MAGI3: variants seen among roughly 807,000 people sequenced by gnomAD.
MAGI3 encodes membrane associated guanylate kinase, WW and PDZ domain containing 3.
Under a neutral mutation model 121.8 loss-of-function variants are expected in MAGI3, and 43 were observed. That is an observed-to-expected ratio of 0.35 (90% CI 0.28 to 0.46). The LOEUF (loss-of-function observed/expected upper bound fraction) is 0.46. Ranked by LOEUF, MAGI3 falls within the 20% of genes least tolerant of loss-of-function variation. MAGI3 has a pLI of 1.00. For missense variants in MAGI3, 1,547 were observed against 1,797.3 expected (o/e 0.86, Z 2.52); for synonymous variants, 553 against 639.3 (o/e 0.86, Z 2.04).
chr1:113,653,852 C>T lies in MAGI3; in HGVS notation c.2463C>T (p.Ser821=). 6.2e-7 allele frequency: 1 copy of T among 1,607,610 alleles called. No individual in the cohort carries two copies. Among genetic ancestry groups the T allele is most frequent in the Non-Finnish European group, 8.5e-7 (1 of 1,177,628 alleles). Residue 821 remains serine (S), a synonymous_variant, in exon 15 of 21, where the codon AGC becomes AGT. Coordinates refer to ENST00000307546, the MANE Select transcript of MAGI3 (RefSeq NM_001142782.2). ...CAGAAAAACAACCCGAGGACGACAG[C>T]TCTCAGGCCTTCATTTCAACACAGA... ...FYGEKQPEDD[S]SQAFISTQNG... is the part of the protein sequence containing the mutation.
chr1:113,569,416 C>T (rs960372166), intron 2 of MAGI3, among the ~76,000 whole-genome samples: 1 of 151,962 alleles, frequency 6.6e-6, no homozygotes, highest in African/African-American at 2.4e-5. Context: ...ATTTTATTTA[C>T]TCTGTTATTT....
intron 1 of MAGI3, among the ~76,000 whole-genome samples, chr1:113,452,853 T>A (rs1305627617): frequency 2.0e-5 from 3 of 152,112 alleles, no homozygotes; most frequent in African/African-American, 7.2e-5. Flanking sequence ...TGAAGAAATT[T>A]TACTCAAAGA....
intron 1 of MAGI3, among the ~76,000 whole-genome samples, chr1:113,493,860 A>G (rs922158499): frequency 3.3e-5 from 5 of 152,156 alleles, no homozygotes; most frequent in African/African-American, 9.7e-5. Flanking sequence ...TAAAAAGTCA[A>G]AAAACAACAG....
Position 113,649,319 on chromosome 1 carries a change from T to C in MAGI3, c.2238T>C (p.Pro746=). 1 of 1,609,374 alleles carries C rather than the reference T, an allele frequency of 6.2e-7. No individual in the cohort carries two copies. Among genetic ancestry groups the C allele is most frequent in the Non-Finnish European group, 8.5e-7 (1 of 1,177,440 alleles). The stretch of plus-strand genomic sequence containing the variant: ...TCAGGGTGCTAGGAGGAGATGGACC[T>C]GACCAGTCTGTAAGTGTCACTTCTT... ...FGFRVLGGDG[P]DQSIYIGAII... The change falls in exon 13 of 21, where the codon CCT becomes CCC. Residue 746 remains proline (P), a synonymous_variant. Transcript: ENST00000307546.
At chr1:113,530,587 A>G (rs1196070781) in intron 1 of MAGI3, among the ~76,000 whole-genome samples, 1 of 149,036 alleles carries the variant, frequency 6.7e-6, no homozygotes, top group Non-Finnish European at 1.5e-5. Flanking sequence ...GTACCCAGAA[A>G]CCTAAAATAA....
chr1:113,513,900 A>G (rs1163026465), intron 1 of MAGI3, among the ~76,000 whole-genome samples: 3 of 152,190 alleles, frequency 2.0e-5, no homozygotes, highest in African/African-American at 7.2e-5. Context: ...GCTAATATCC[A>G]GAATCTACAA....
intron 2 of MAGI3, among the ~76,000 whole-genome samples, chr1:113,564,679 G>A (rs1300039485): frequency 5.3e-5 from 8 of 151,876 alleles, no homozygotes. Flanking sequence ...AGATCAGCCT[G>A]GGCAACATAG....
At chr1:113,601,074 A>G (rs1366068018) in intron 6 of MAGI3, among the ~76,000 whole-genome samples, 3 of 152,072 alleles carry the variant, frequency 2.0e-5, no homozygotes, top group Admixed American at 6.5e-5. Flanking sequence ...TTAATTCAAG[A>G]TGGATTAAAG....
At chr1:113,593,310 G>A (rs1188915568) in intron 5 of MAGI3, among the ~76,000 whole-genome samples, 1 of 152,042 alleles carries the variant, frequency 6.6e-6, no homozygotes, top group African/African-American at 2.4e-5. Context: ...AATAACTTTA[G>A]GCAAGAGAAT....
intron 1 of MAGI3, among the ~76,000 whole-genome samples, chr1:113,518,257 C>G (rs1412877242): frequency 1.3e-5 from 2 of 152,012 alleles, no homozygotes; most frequent in Non-Finnish European, 2.9e-5. Flanking sequence ...AGATTTTATT[C>G]AGTGTGTTCA....
At chr1:113,444,282 A>G (rs1426319827) in intron 1 of MAGI3, among the ~76,000 whole-genome samples, 1 of 152,238 alleles carries the variant, frequency 6.6e-6, no homozygotes, top group African/African-American at 2.4e-5. Context: ...TTCTGCTCAC[A>G]GAGGTGCAGA....
intron 14 of MAGI3, among the ~76,000 whole-genome samples, chr1:113,651,487 GGTTTT>G (rs1278953591): frequency 1.3e-5 from 2 of 151,896 alleles, no homozygotes; most frequent in African/African-American, 4.8e-5. Context: ...ATTTAAATCC[GGTTTT>G]GTTTTGTTTT....
intron 1 of MAGI3, among the ~76,000 whole-genome samples, chr1:113,404,885 C>T (rs890368626): frequency 2.6e-5 from 4 of 151,744 alleles, no homozygotes; most frequent in African/African-American, 9.7e-5. Context: ...GAGATTCAGC[C>T]CTATTTTATT....
intron 2 of MAGI3, among the ~76,000 whole-genome samples, chr1:113,560,028 G>A (rs1453724445): frequency 1.3e-5 from 2 of 152,142 alleles, no homozygotes; most frequent in East Asian, 1.9e-4. Flanking sequence ...AAGAGGACCC[G>A]ATAGTTATCT....
chr1:113,518,990 T>A (rs1658053110), intron 1 of MAGI3, among the ~76,000 whole-genome samples: 1 of 152,068 alleles, frequency 6.6e-6, no homozygotes, highest in South Asian at 2.1e-4. Flanking sequence ...CAAGTTTGTT[T>A]CCCCCGTTAC....
chr1:113,608,934 A>T (rs911679852), intron 6 of MAGI3, among the ~76,000 whole-genome samples: 3 of 152,172 alleles, frequency 2.0e-5, no homozygotes, highest in African/African-American at 7.2e-5. Context: ...ACATTTTATG[A>T]TCATCCTAAG....
chr1:113,494,963 G>A (rs1656847165), intron 1 of MAGI3, among the ~76,000 whole-genome samples: 1 of 151,910 alleles, frequency 6.6e-6, no homozygotes, highest in African/African-American at 2.4e-5. Context: ...CAAAAAGGGG[G>A]CACATATTTA....
chr1:113,445,158 GAA>G (rs1392309789), intron 1 of MAGI3, among the ~76,000 whole-genome samples: 1 of 152,148 alleles, frequency 6.6e-6, no homozygotes, highest in Non-Finnish European at 1.5e-5. Flanking sequence ...CCCAGAAGGA[GAA>G]GAGGGAGAGA....
At chr1:113,445,916 A>C (rs573205462) in intron 1 of MAGI3, among the ~76,000 whole-genome samples, 54 of 152,230 alleles carry the variant, frequency 3.5e-4, no homozygotes, top group Non-Finnish European at 7.2e-4. Context: ...TGCAGAGTGT[A>C]ATGAAAGAAG....
Sources: gnomAD v4.1 joint callset for allele counts (sites outside exome capture counted in the v4.1 genomes callset) on GRCh38, gnomAD v4.1.1 for gene constraint, MANE v1.5 for transcripts, NCBI Gene and HGNC (gene_info 2026-07-23, HGNC 2026-07-21) for gene names.